FSTL5: variants seen among roughly 807,000 people sequenced by gnomAD.
The protein encoded by FSTL5 is follistatin like 5, also known as follistatin-related protein 5.
FSTL5 carries 62 observed loss-of-function variants against 89.1 expected under a neutral mutation model. The ratio of observed to expected loss-of-function variants is 0.70; its 90% CI spans 0.57 to 0.86. FSTL5 has a LOEUF of 0.86. FSTL5 is among the 40% of genes least tolerant of loss of function. The pLI, the probability that FSTL5 is intolerant of heterozygous loss-of-function variation, is 0.00. For synonymous variants in FSTL5, 383 were observed against 346.2 expected (o/e 1.11, Z -1.18); for missense variants, 1,057 against 1,001.6 (o/e 1.06, Z -0.75).
intron 11 of FSTL5, among the ~76,000 whole-genome samples, chr4:161,504,315 G>A (rs141509259): frequency 2.8e-4 from 42 of 151,908 alleles, no homozygotes; most frequent in African/African-American, 9.2e-4. Context: ...TTGTAAAGGG[G>A]TCCTGAGTCT....
intron 4 of FSTL5, among the ~76,000 whole-genome samples, chr4:161,816,674 A>G (rs1233173973): frequency 6.6e-6 from 1 of 152,206 alleles, no homozygotes. Flanking sequence ...TCAGATGAAA[A>G]TACAATTTTA....
chr4:162,004,639 C>G (rs998456414), intron 3 of FSTL5, among the ~76,000 whole-genome samples: 3 of 152,186 alleles, frequency 2.0e-5, no homozygotes, highest in Admixed American at 6.5e-5. Context: ...TAGACTACCA[C>G]ACATCTTTGC....
intron 14 of FSTL5, among the ~76,000 whole-genome samples, chr4:161,457,186 C>A (rs1217760321): frequency 2.0e-5 from 3 of 152,088 alleles, no homozygotes; most frequent in Non-Finnish European, 2.9e-5. Flanking sequence ...ATGAATCAAT[C>A]AATCTACCTA....
intron 2 of FSTL5, among the ~76,000 whole-genome samples, chr4:162,077,167 T>C (rs1729885532): frequency 6.6e-6 from 1 of 151,832 alleles, no homozygotes; most frequent in Non-Finnish European, 1.5e-5. Context: ...TTCAAGGGCC[T>C]TCTTGCTGTG....
chr4:161,934,828 C>T (rs764782137), intron 3 of FSTL5, among the ~76,000 whole-genome samples: 2 of 151,962 alleles, frequency 1.3e-5, no homozygotes, highest in Non-Finnish European at 2.9e-5. Context: ...CAATATCATG[C>T]CCCTGTTATT....
chr4:161,969,584 C>A (rs1323895517), intron 3 of FSTL5, among the ~76,000 whole-genome samples: 6 of 152,010 alleles, frequency 3.9e-5, no homozygotes, highest in Non-Finnish European at 7.4e-5. Context: ...TACAGTGATA[C>A]AAAATATATC....
chr4:161,827,262 GT>G (rs2126857155), intron 4 of FSTL5, among the ~76,000 whole-genome samples: 1 of 152,310 alleles, frequency 6.6e-6, no homozygotes, highest in South Asian at 2.1e-4. Flanking sequence ...AGGCTTGGGA[GT>G]GGTTCTAGGG....
At chr4:161,558,289 A>G (rs985350562) in intron 8 of FSTL5, among the ~76,000 whole-genome samples, 4 of 151,830 alleles carry the variant, frequency 2.6e-5, no homozygotes, top group African/African-American at 9.7e-5. Context: ...GGGTGTCACT[A>G]GGGCTTTTGT....
chr4:162,089,502 G>A (rs1730453628), intron 2 of FSTL5, among the ~76,000 whole-genome samples: 1 of 151,622 alleles, frequency 6.6e-6, no homozygotes, highest in South Asian at 2.1e-4. Context: ...ACATGGTGGG[G>A]TGCACCTGTA....
intron 4 of FSTL5, among the ~76,000 whole-genome samples, chr4:161,911,771 T>C (rs964802832): frequency 1.3e-4 from 20 of 152,220 alleles, no homozygotes; most frequent in Non-Finnish European, 1.9e-4. Flanking sequence ...TTGTTTTGAA[T>C]ACTTTTTTAA....
chr4:161,483,582 T>A (rs1471670201), intron 12 of FSTL5, among the ~76,000 whole-genome samples: 1 of 152,226 alleles, frequency 6.6e-6, no homozygotes. Context: ...CTGACAGTCA[T>A]CCTGGATTTT....
At chr4:161,449,381 C>A (rs1048974148) in intron 15 of FSTL5, among the ~76,000 whole-genome samples, 4 of 152,104 alleles carry the variant, frequency 2.6e-5, no homozygotes, top group Non-Finnish European at 4.4e-5. Flanking sequence ...AAAAATATAA[C>A]TCAAAAAATG....
At position 161,745,434 on chromosome 4, in the gene FSTL5, A is replaced by G. The variant is rs985373515; in HGVS notation, c.727+13977T>C. ...ATACAAAATCTTTTTCTAACATCAT[A>G]TTAGGATAAATTTGTTTAATATGGA... On this transcript the variant is annotated intron_variant, in intron 6 of 15. Coordinates refer to ENST00000306100, the MANE Select transcript of FSTL5 (RefSeq NM_020116.5). Among the ~76,000 whole-genome samples the G allele has an allele frequency of 9.2e-5, 14 of 152,218 alleles. No individual in the cohort carries two copies. In the East Asian group the frequency reaches 2.7e-3, roughly 29 times the overall value.
chr4:161,685,949 A>G (rs761998014), intron 6 of FSTL5, among the ~76,000 whole-genome samples: 3 of 152,072 alleles, frequency 2.0e-5, no homozygotes, highest in Non-Finnish European at 4.4e-5. Context: ...AATTTTGCTG[A>G]GAGTTTTAAT....
At chr4:161,430,315 T>G (rs1420837387) in intron 15 of FSTL5, among the ~76,000 whole-genome samples, 1 of 150,726 alleles carries the variant, frequency 6.6e-6, no homozygotes, top group East Asian at 2.0e-4. Flanking sequence ...AGAGATACAG[T>G]TAGAAAGTTT....
chr4:161,830,818 C>G (rs576626804), intron 4 of FSTL5, among the ~76,000 whole-genome samples: 2 of 151,924 alleles, frequency 1.3e-5, no homozygotes, highest in African/African-American at 4.8e-5. Context: ...AGCATTTCTT[C>G]AAATTGTTTG....
intron 8 of FSTL5, among the ~76,000 whole-genome samples, chr4:161,562,483 C>A (rs934020166): frequency 9.9e-5 from 15 of 151,858 alleles, no homozygotes; most frequent in Non-Finnish European, 2.1e-4. Flanking sequence ...TGATTTAGGT[C>A]TTCTATAATT....
At chr4:161,486,949 CT>C in intron 12 of FSTL5, among the ~76,000 whole-genome samples, 1 of 152,176 alleles carries the variant, frequency 6.6e-6, no homozygotes, top group African/African-American at 2.4e-5. Context: ...TTTTCCACAG[CT>C]ATTGAAAAGC....
At chr4:162,056,566 G>A (rs192991895) in intron 2 of FSTL5, among the ~76,000 whole-genome samples, 10 of 152,160 alleles carry the variant, frequency 6.6e-5, no homozygotes, top group African/African-American at 2.4e-4. Flanking sequence ...ATGAATTAAA[G>A]CTATTGGAAT....
Sources: gnomAD v4.1 joint callset for allele counts (sites outside exome capture counted in the v4.1 genomes callset) on GRCh38, gnomAD v4.1.1 for gene constraint, MANE v1.5 for transcripts, NCBI Gene and HGNC (gene_info 2026-07-23, HGNC 2026-07-21) for gene names.